PRKG1: variants seen among roughly 807,000 people sequenced by gnomAD.
PRKG1 encodes cGMP-dependent protein kinase 1.
Under a neutral mutation model 88.1 loss-of-function variants are expected in PRKG1, and 35 were observed. That is an observed-to-expected ratio of 0.40 (90% CI 0.30 to 0.53). PRKG1 has a LOEUF of 0.53. Among genes scored for constraint, PRKG1 ranks in the 20% least tolerant of loss-of-function variants. PRKG1 has a pLI of 0.59. For missense variants in PRKG1, 540 were observed against 839.8 expected (o/e 0.64, Z 4.41); for synonymous variants, 303 against 292.5 (o/e 1.04, Z -0.37).
intron 7 of PRKG1, chr10:52,128,653 A>G: frequency 1.2e-6 from 1 of 842,876 alleles, no homozygotes; most frequent in Non-Finnish European, 1.4e-6. Flanking sequence ...TGGCTTAAAA[A>G]GAGGCCACTA....
chr10:51,138,281 C>T (rs1845734220), intron 1 of PRKG1, among the ~76,000 whole-genome samples: 1 of 152,126 alleles, frequency 6.6e-6, no homozygotes, highest in Non-Finnish European at 1.5e-5. Context: ...AGCACAGAAA[C>T]CTTAATGATC....
chr10:51,048,551 G>A (rs1223289281), intron 1 of PRKG1, among the ~76,000 whole-genome samples: 2 of 152,072 alleles, frequency 1.3e-5, no homozygotes, highest in Non-Finnish European at 2.9e-5. Flanking sequence ...TCAAATCAAT[G>A]GTGCAACTAC....
chr10:52,289,357 A>G (rs1456902085), intron 16 of PRKG1, among the ~76,000 whole-genome samples: 2 of 152,148 alleles, frequency 1.3e-5, no homozygotes, highest in Non-Finnish European at 2.9e-5. Context: ...AAGACAAAAT[A>G]TATTTTTCCA....
intron 2 of PRKG1, among the ~76,000 whole-genome samples, chr10:51,236,702 C>A (rs193157541): frequency 6.6e-6 from 1 of 152,064 alleles, no homozygotes; most frequent in African/African-American, 2.4e-5. Context: ...TACGGGGTTT[C>A]ACCATATTGA....
At chr10:52,023,251 T>C (rs1438138459) in intron 5 of PRKG1, among the ~76,000 whole-genome samples, 1 of 152,208 alleles carries the variant, frequency 6.6e-6, no homozygotes, top group African/African-American at 2.4e-5. Context: ...GAACTCATCC[T>C]TTTTTATGGC....
intron 7 of PRKG1, among the ~76,000 whole-genome samples, chr10:52,093,232 G>A (rs1249827312): frequency 1.3e-5 from 2 of 152,084 alleles, no homozygotes; most frequent in African/African-American, 4.8e-5. Flanking sequence ...GTTTCTTTAG[G>A]TGAAAATTCA....
intron 2 of PRKG1, among the ~76,000 whole-genome samples, chr10:51,453,731 T>A (rs293271): frequency 6.6e-6 from 1 of 151,658 alleles, no homozygotes; most frequent in Admixed American, 6.6e-5. Flanking sequence ...ACCTATCCTA[T>A]GGTCCATCTT....
intron 2 of PRKG1, among the ~76,000 whole-genome samples, chr10:51,381,032 G>A (rs528352791): frequency 3.3e-5 from 5 of 151,874 alleles, no homozygotes; most frequent in East Asian, 3.9e-4. Flanking sequence ...GAATTTGGAC[G>A]GGTAAATGTG....
At chr10:52,293,249 A>G (rs921141701) in intron 17 of PRKG1, among the ~76,000 whole-genome samples, 25 of 151,964 alleles carry the variant, frequency 1.6e-4, no homozygotes, top group African/African-American at 5.1e-4. Context: ...CCACTGCTCA[A>G]TGAAATAAAA....
chr10:52,151,734 G>C (rs1837932997), intron 8 of PRKG1, among the ~76,000 whole-genome samples: 2 of 152,148 alleles, frequency 1.3e-5, no homozygotes, highest in African/African-American at 4.8e-5. Flanking sequence ...GAAACATATA[G>C]ACTGGGCACA....
At position 51,467,801 on chromosome 10, in the gene PRKG1, T is replaced by C. The variant is rs762265014; in HGVS notation, c.557T>C (p.Ile186Thr). Residue 186 changes from isoleucine to threonine, a missense_variant, in exon 3 of 18, where the codon ATT becomes ACT. Physicochemically the swap from Ile to Thr is moderately conservative, Grantham distance 89 (BLOSUM62 -1). Coordinates refer to ENST00000373980, the MANE Select transcript of PRKG1 (RefSeq NM_006258.4). ...GPGKVFGELA[I>T]LYNCTRTATV... The stretch of plus-strand genomic sequence containing the variant: ...GGAAAAGTGTTTGGGGAATTGGCTA[T>C]TCTTTACAACTGTACCCGGACAGCG... The C allele has an allele frequency of 1.2e-6, 2 of 1,613,066 alleles. No individual in the cohort carries two copies. The highest frequency in any genetic ancestry group is 2.2e-5 in the South Asian group (2 of 91,066).
chr10:51,407,323 A>C (rs985266141), intron 2 of PRKG1, among the ~76,000 whole-genome samples: 2 of 152,270 alleles, frequency 1.3e-5, no homozygotes, highest in Admixed American at 6.5e-5. Flanking sequence ...TACACTTATC[A>C]TAAAACAACT....
chr10:51,212,686 C>T (rs1838255655), intron 2 of PRKG1, among the ~76,000 whole-genome samples: 1 of 152,192 alleles, frequency 6.6e-6, no homozygotes, highest in Non-Finnish European at 1.5e-5. Context: ...CAAAAGAAGA[C>T]ATTTATGCAG....
At chr10:52,202,050 T>C (rs966505026) in intron 9 of PRKG1, among the ~76,000 whole-genome samples, 1 of 152,184 alleles carries the variant, frequency 6.6e-6, no homozygotes. Context: ...TTTCATTTTT[T>C]TTTTCTTGCC....
At chr10:51,915,497 GA>G (rs1342002882) in intron 5 of PRKG1, among the ~76,000 whole-genome samples, 11 of 152,028 alleles carry the variant, frequency 7.2e-5, no homozygotes, top group African/African-American at 2.7e-4. Flanking sequence ...CCCTTTTGGG[GA>G]GCAAATTACT....
intron 3 of PRKG1, among the ~76,000 whole-genome samples, chr10:51,801,016 A>G (rs955950169): frequency 3.7e-4 from 57 of 152,180 alleles, no homozygotes; most frequent in African/African-American, 1.3e-3. Flanking sequence ...GCCTTCTTTA[A>G]TCATCTCTTC....
chr10:51,439,661 A>T (rs1408837285), intron 2 of PRKG1, among the ~76,000 whole-genome samples: 1 of 151,862 alleles, frequency 6.6e-6, no homozygotes, highest in Non-Finnish European at 1.5e-5. Flanking sequence ...AGCAAAGAAC[A>T]CCCTAAAATT....
intron 3 of PRKG1, among the ~76,000 whole-genome samples, chr10:51,510,435 T>C (rs1430903659): frequency 1.3e-5 from 2 of 152,158 alleles, no homozygotes; most frequent in African/African-American, 4.8e-5. Flanking sequence ...AAGCGAGTCA[T>C]ATGAAATGTT....
At chr10:51,933,261 G>A (rs1442332194) in intron 5 of PRKG1, among the ~76,000 whole-genome samples, 1 of 152,026 alleles carries the variant, frequency 6.6e-6, no homozygotes, top group African/African-American at 2.4e-5. Flanking sequence ...TTCTTTTTAA[G>A]CCAAAAAATC....
Sources: allele counts gnomAD v4.1 joint callset (sites outside exome capture counted in the v4.1 genomes callset), GRCh38; gene constraint gnomAD v4.1.1; transcripts MANE v1.5; gene names NCBI Gene and HGNC (gene_info 2026-07-23, HGNC 2026-07-21).